Variants in FOCAD observed in about 807,000 individuals in gnomAD.
FOCAD encodes focadhesin.
A neutral mutation model predicts 225.6 loss-of-function variants in FOCAD; 198 were observed. The observed-to-expected ratio is 0.88, with a 90% CI of 0.78 to 0.99. The LOEUF (loss-of-function observed/expected upper bound fraction) is 0.99, where lower values mean the gene tolerates loss of function less well. Among genes scored for constraint, FOCAD ranks in the 50% least tolerant of loss-of-function variants. The pLI, the probability that FOCAD is intolerant of heterozygous loss-of-function variation, is 0.00. For missense variants in FOCAD, 2,713 were observed against 2,123.6 expected, an observed-to-expected ratio of 1.28 and a Z score of -5.46; for synonymous variants, 897 against 755.0, an observed-to-expected ratio of 1.19 and a Z score of -3.08.
chr9:20,973,827 C>T (rs371545860), intron 35 of FOCAD, among the ~76,000 whole-genome samples: 1,190 of 80,554 alleles, frequency 0.015, 5 homozygotes, highest in Middle Eastern at 0.052. Flanking sequence ...GCTAATTTGG[C>T]CTCTGCTTCT....
Position 20,885,204 on chromosome 9 carries a change from C to T in FOCAD, c.2599C>T (p.Gln867Ter). 2 of 1,535,672 alleles carry T rather than the reference C, an allele frequency of 1.3e-6. No individual in the cohort carries two copies. Among genetic ancestry groups the T allele is most frequent in the African/African-American group, 1.4e-5 (1 of 72,206 alleles). The change falls in exon 21 of 44, where the codon CAG becomes TAG. Residue 867 changes from glutamine (Q) to a stop codon, truncating the protein, a stop_gained. Coordinates refer to ENST00000338382, the MANE Select transcript of FOCAD (RefSeq NM_001375567.1). LOFTEE classifies it high-confidence loss of function. ...LMASRGRSFK[Q>*]TSLALVHEVH... ...GGCCAGCAGAGGGCGAAGTTTCAAGCAGACTTCACTTGCTCTTGTACATGA... is the reference window on the plus strand; with the variant it reads ...GGCCAGCAGAGGGCGAAGTTTCAAGTAGACTTCACTTGCTCTTGTACATGA...
chr9:20,821,077 A>T lies in FOCAD; in HGVS notation c.1793+6A>T, dbSNP rs1315341728. 1 of 1,611,436 alleles carries T rather than the reference A, an allele frequency of 6.2e-7. No homozygotes were observed. The highest frequency in any genetic ancestry group is 8.5e-7 in the Non-Finnish European group (1 of 1,178,366). On this transcript the variant is annotated splice_donor_region_variant and intron_variant, in intron 14 of 43. Transcript: ENST00000338382. ...AGAGATATATGTAAGCAGAGGTATG[A>T]TGTCATTAACTCTTAGGAATGTATA...
chr9:20,747,453 G>A (rs950240950), intron 5 of FOCAD, among the ~76,000 whole-genome samples: 1 of 152,080 alleles, frequency 6.6e-6, no homozygotes, highest in Admixed American at 6.6e-5. Flanking sequence ...TATAATTTAT[G>A]TACTATAAAA....
chr9:20,759,256 C>G (rs969764957), intron 6 of FOCAD, among the ~76,000 whole-genome samples: 7 of 152,176 alleles, frequency 4.6e-5, no homozygotes, highest in African/African-American at 1.4e-4. Flanking sequence ...ATTGCCAAGT[C>G]AATCCTAAGC....
At chr9:20,799,900 C>G (rs907751996) in intron 11 of FOCAD, among the ~76,000 whole-genome samples, 3 of 152,058 alleles carry the variant, frequency 2.0e-5, no homozygotes, top group Admixed American at 2.0e-4. Context: ...ATGATGTTAG[C>G]TGGTTATTTT....
intron 2 of FOCAD, among the ~76,000 whole-genome samples, chr9:20,669,170 G>A (rs1258775109): frequency 6.6e-6 from 1 of 152,104 alleles, no homozygotes; most frequent in East Asian, 1.9e-4. Context: ...AGGTCCTAGG[G>A]TGAAAAAAAT....
At chr9:20,766,055 G>C (rs544503000) in intron 7 of FOCAD, among the ~76,000 whole-genome samples, 5 of 152,080 alleles carry the variant, frequency 3.3e-5, no homozygotes, top group Non-Finnish European at 5.9e-5. Context: ...GTTTTGTGTG[G>C]GCAATAAAGC....
intron 4 of FOCAD, among the ~76,000 whole-genome samples, chr9:20,722,032 C>T (rs1563914521): frequency 1.6e-5 from 2 of 121,660 alleles, no homozygotes; most frequent in East Asian, 5.5e-4. Flanking sequence ...TTCTTTCCTT[C>T]TCCCTCTCTC....
intron 33 of FOCAD, 41 bp downstream of exon 33, chr9:20,949,716 C>T (rs761927403): frequency 2.0e-6 from 3 of 1,467,876 alleles, no homozygotes; most frequent in Non-Finnish European, 2.9e-6. Context: ...GAAAACATAT[C>T]CCCCTTTGTT....
Position 20,768,400 on chromosome 9 carries a change from G to C in FOCAD, c.700-1632G>C, listed in dbSNP as rs188867484. ...TAGCTTGCTGGGGATGGCATTGAATGTGTAAATTACCTTGGGCAGTATGGC... is the reference window on the plus strand; with the variant it reads ...TAGCTTGCTGGGGATGGCATTGAATCTGTAAATTACCTTGGGCAGTATGGC... On this transcript the variant is annotated intron_variant, in intron 7 of 43. Coordinates refer to ENST00000338382, the MANE Select transcript of FOCAD (RefSeq NM_001375567.1). Among the ~76,000 whole-genome samples, 849 of 151,992 alleles carry C rather than the reference G, an allele frequency of 5.6e-3. 49 individuals are homozygous for C. The East Asian group carries it at 0.14, about 25-fold the overall frequency.
At chr9:20,821,767 A>G (rs1041191159) in intron 14 of FOCAD, among the ~76,000 whole-genome samples, 9 of 151,990 alleles carry the variant, frequency 5.9e-5, no homozygotes, top group South Asian at 2.1e-4. Flanking sequence ...TTGATCAGCC[A>G]CTGCGTTGAA....
At chr9:20,785,403 C>G (rs10123723) in intron 10 of FOCAD, among the ~76,000 whole-genome samples, 53,401 of 151,984 alleles carry the variant, frequency 0.35, 9,804 homozygotes, top group Middle Eastern at 0.41. Flanking sequence ...CTAATTCCCC[C>G]CTTTTTTCCT....
intron 15 of FOCAD, among the ~76,000 whole-genome samples, chr9:20,837,100 A>G (rs1237798990): frequency 3.9e-5 from 6 of 152,056 alleles, no homozygotes; most frequent in African/African-American, 1.4e-4. Context: ...TACAATCTCA[A>G]CTTTCGAAGT....
chr9:20,745,576 A>C (rs1404136193), intron 5 of FOCAD, among the ~76,000 whole-genome samples: 1 of 151,786 alleles, frequency 6.6e-6, no homozygotes. Flanking sequence ...TTTGCTTTTA[A>C]TTTTTTCTCT....
intron 22 of FOCAD, among the ~76,000 whole-genome samples, chr9:20,911,158 A>G (rs142033794): frequency 6.6e-6 from 1 of 152,240 alleles, no homozygotes; most frequent in African/African-American, 2.4e-5. Flanking sequence ...TGGGAGGCCA[A>G]TATTAATATC....
intron 39 of FOCAD, among the ~76,000 whole-genome samples, chr9:20,985,317 C>T (rs144156520): frequency 1.3e-5 from 2 of 152,118 alleles, no homozygotes; most frequent in Admixed American, 1.3e-4. Context: ...ATAAAATAAT[C>T]GTATTGTTAA....
chr9:20,867,335 T>G (rs2131732520), intron 18 of FOCAD, among the ~76,000 whole-genome samples: 1 of 152,094 alleles, frequency 6.6e-6, no homozygotes, highest in African/African-American at 2.4e-5. Flanking sequence ...ATGGCCTTCA[T>G]AGACTAAGAT....
intron 18 of FOCAD, among the ~76,000 whole-genome samples, chr9:20,870,551 A>G (rs1829669909): frequency 6.6e-6 from 1 of 152,216 alleles, no homozygotes; most frequent in African/African-American, 2.4e-5. Context: ...TAGAAATGGT[A>G]CTTCGAATTT....
intron 8 of FOCAD, among the ~76,000 whole-genome samples, chr9:20,777,313 T>G (rs1818862806): frequency 6.7e-6 from 1 of 149,976 alleles, no homozygotes; most frequent in South Asian, 2.1e-4. Context: ...GGTTTTTTTT[T>G]TTTTTTTTTT....
Sources: allele counts gnomAD v4.1 joint callset (sites outside exome capture counted in the v4.1 genomes callset), GRCh38; gene constraint gnomAD v4.1.1; transcripts MANE v1.5; gene names NCBI Gene and HGNC (gene_info 2026-07-23, HGNC 2026-07-21).